The following WDFY1 variants were observed in gnomAD, a reference collection of about 807,000 sequenced individuals.
The protein encoded by WDFY1 is WD repeat and FYVE domain-containing protein 1.
WDFY1 carries 32 observed loss-of-function variants against 56.4 expected under a neutral mutation model. The ratio of observed to expected loss-of-function variants is 0.57; its 90% confidence interval spans 0.43 to 0.76. WDFY1 has a LOEUF of 0.76. WDFY1 is among the 30% of genes least tolerant of loss of function. WDFY1 has a pLI of 0.00. For synonymous variants in WDFY1, 192 were observed against 197.3 expected (o/e 0.97, Z 0.23); for missense variants, 480 against 545.7 (o/e 0.88, Z 1.20).
chr2:223,940,073 T>C (rs1412227840), intron 1 of WDFY1, among the ~76,000 whole-genome samples: 3 of 152,156 alleles, frequency 2.0e-5, no homozygotes, highest in African/African-American at 7.2e-5. Flanking sequence ...GTAATCCCAG[T>C]ACTTTGGGAG....
intron 1 of WDFY1, among the ~76,000 whole-genome samples, chr2:223,933,138 T>C (rs942880477): frequency 1.6e-4 from 7 of 44,884 alleles, no homozygotes; most frequent in South Asian, 8.6e-4. Context: ...CCTCATTTTG[T>C]AGAGGAGAAT....
chr2:223,919,999 T>C (rs765704213), intron 1 of WDFY1, among the ~76,000 whole-genome samples: 2 of 152,176 alleles, frequency 1.3e-5, no homozygotes, highest in Non-Finnish European at 2.9e-5. Context: ...CAGAAACCAT[T>C]TGTTTGTGGC....
At chr2:223,907,188 C>T (rs1037146822) in intron 3 of WDFY1, among the ~76,000 whole-genome samples, 3 of 151,322 alleles carry the variant, frequency 2.0e-5, no homozygotes, top group African/African-American at 7.3e-5. Flanking sequence ...TGTTGGCCAG[C>T]CTGGTCTTGA....
intron 3 of WDFY1, among the ~76,000 whole-genome samples, chr2:223,909,805 G>C (rs2106087464): frequency 6.6e-6 from 1 of 152,172 alleles, no homozygotes; most frequent in East Asian, 1.9e-4. Context: ...CCTTCACCCA[G>C]GCCGCTAAAA....
intron 1 of WDFY1, among the ~76,000 whole-genome samples, chr2:223,926,484 A>G (rs955550184): frequency 6.6e-6 from 1 of 152,172 alleles, no homozygotes; most frequent in Admixed American, 6.5e-5. Flanking sequence ...TCCTTGATCC[A>G]TGAGCTACAG....
intron 1 of WDFY1, among the ~76,000 whole-genome samples, chr2:223,927,097 G>C (rs1236607963): frequency 6.6e-6 from 1 of 152,164 alleles, no homozygotes; most frequent in Non-Finnish European, 1.5e-5. Flanking sequence ...TCCATTTATA[G>C]AGCACATGGC....
Position 223,890,836 on chromosome 2 carries a change from C to A in WDFY1, c.831+3398G>T, listed in dbSNP as rs560619617. On this transcript the variant is annotated intron_variant, in intron 8 of 11. Coordinates refer to ENST00000233055, the MANE Select transcript of WDFY1 (RefSeq NM_020830.5). ...ATAAAGTTCTCTTTTCAAGAAGATTCATTCTAATTATTGTTACTTCCTCAT... is the reference window on the plus strand; with the variant it reads ...ATAAAGTTCTCTTTTCAAGAAGATTAATTCTAATTATTGTTACTTCCTCAT... Among the ~76,000 whole-genome samples the A allele has an allele frequency of 5.3e-5, 8 of 152,300 alleles. No individual in the cohort carries two copies. In the South Asian group the frequency reaches 1.7e-3, roughly 32 times the overall value.
intron 8 of WDFY1, among the ~76,000 whole-genome samples, chr2:223,886,683 T>C (rs2106072918): frequency 7.8e-6 from 1 of 128,464 alleles, no homozygotes; most frequent in South Asian, 2.6e-4. Context: ...TGAGCAGAGA[T>C]TGCACCACGG....
At chr2:223,880,633 T>C (rs1237833856) in intron 10 of WDFY1, among the ~76,000 whole-genome samples, 1 of 148,166 alleles carries the variant, frequency 6.7e-6, no homozygotes, top group Non-Finnish European at 1.5e-5. Context: ...AAAAAGTAAA[T>C]GCTTATGATA....
Position 223,882,002 on chromosome 2 carries a change from A to G in WDFY1, c.1004T>C (p.Met335Thr), listed in dbSNP as rs1574756142. 1 of 1,614,140 alleles carries G rather than the reference A, an allele frequency of 6.2e-7. No individual in the cohort carries two copies. Among genetic ancestry groups the G allele is most frequent in the Non-Finnish European group, 8.5e-7 (1 of 1,179,966 alleles). ...CSSKRSSYPV[M>T]GFEFQVRVCD... ...AACCCGGACTTGGAACTCGAAGCCCATGACTGGGTAACTTGAGCGCTTGCT... is the reference window on the plus strand; with the variant it reads ...AACCCGGACTTGGAACTCGAAGCCCGTGACTGGGTAACTTGAGCGCTTGCT... The change falls in exon 10 of 12, where the codon ATG becomes ACG. Residue 335 changes from methionine (M) to threonine (T), a missense_variant. By Grantham distance (81) the Met-to-Thr change is moderately conservative (BLOSUM62 -1). Coordinates refer to ENST00000233055, the MANE Select transcript of WDFY1 (RefSeq NM_020830.5).
intron 1 of WDFY1, among the ~76,000 whole-genome samples, chr2:223,930,424 G>T (rs1431604561): frequency 1.3e-5 from 2 of 152,170 alleles, no homozygotes; most frequent in African/African-American, 4.8e-5. Context: ...CCGCCTACCG[G>T]GTTCAGGCGA....
At chr2:223,912,455 T>G (rs747898337) in intron 2 of WDFY1, 129 bp from the exon 3 acceptor site, 41 of 594,342 alleles carry the variant, frequency 6.9e-5, no homozygotes, top group Non-Finnish European at 9.2e-5. Flanking sequence ...AAACGTTTTA[T>G]ACAAATTACG....
chr2:223,888,235 C>T (rs565839292), intron 8 of WDFY1, among the ~76,000 whole-genome samples: 50 of 152,208 alleles, frequency 3.3e-4, no homozygotes, highest in African/African-American at 1.0e-3. Context: ...ATATGTACCA[C>T]CACACCCAGC....
intron 2 of WDFY1, 76 bp from the exon 3 acceptor site, chr2:223,912,402 TATG>T (rs2106089183): frequency 6.5e-6 from 7 of 1,073,470 alleles, no homozygotes; most frequent in East Asian, 2.6e-5. Flanking sequence ...TTAAGAACTA[TATG>T]ATAAGAACTA....
chr2:223,912,223 T>C lies in WDFY1; in HGVS notation c.279+30A>G, dbSNP rs745447599. 4 of 1,585,154 alleles carry C rather than the reference T, an allele frequency of 2.5e-6. No individual in the cohort carries two copies. In the South Asian group the frequency reaches 4.7e-5, roughly 19 times the overall value. The stretch of plus-strand genomic sequence containing the variant: ...AATATAAAGAATATAATATAAAGAA[T>C]ACAATAAATACATTCTAAAAGCTAC... On this transcript the variant is annotated intron_variant, in intron 3 of 11. Coordinates refer to ENST00000233055, the MANE Select transcript of WDFY1 (RefSeq NM_020830.5).
At chr2:223,929,599 CCACCTCCCTG>C (rs1694042143) in intron 1 of WDFY1, among the ~76,000 whole-genome samples, 2 of 152,228 alleles carry the variant, frequency 1.3e-5, no homozygotes, top group African/African-American at 4.8e-5. Context: ...CTGTGATTTC[CCACCTCCCTG>C]CACCTCCCTG....
chr2:223,924,066 C>A (rs1453006319), intron 1 of WDFY1, among the ~76,000 whole-genome samples: 1 of 152,162 alleles, frequency 6.6e-6, no homozygotes, highest in Non-Finnish European at 1.5e-5. Flanking sequence ...ACCTTAGAAA[C>A]GTGTTCATTC....
At position 223,910,077 on chromosome 2, in the gene WDFY1, T is replaced by C. The variant is rs1295405072; in HGVS notation, c.279+2176A>G. Reference sequence around the variant, plus strand: ...CCTGCACCATCAAGCCACTATAACATTGACTTCTGGAAACTCTTCCCTGGC... The same window carrying C: ...CCTGCACCATCAAGCCACTATAACACTGACTTCTGGAAACTCTTCCCTGGC... On this transcript the variant is annotated intron_variant, in intron 3 of 11. Transcript: ENST00000233055. Among the ~76,000 whole-genome samples, 6 of 152,220 alleles carry C rather than the reference T, an allele frequency of 3.9e-5. No homozygotes were observed. The South Asian group carries it at 6.2e-4, about 16-fold the overall frequency.
chr2:223,945,216 G>A lies in WDFY1; in HGVS notation c.69C>T (p.His23=), dbSNP rs1261737878. The A allele has an allele frequency of 8.8e-6, 14 of 1,598,852 alleles. No homozygotes were observed. The highest frequency in any genetic ancestry group is 1.4e-5 in the African/African-American group (1 of 72,532). ...GCAGCGCGGCCGTGACGGCGTCCTG[G>A]TGCCCCTCGATCTTGCTCAGCAGCA... ...RPVLLSKIEG[H]QDAVTAALLI... is the part of the protein sequence containing the mutation. The change falls in exon 1 of 12, where the codon CAC becomes CAT. Residue 23 remains histidine, a synonymous_variant. Coordinates refer to ENST00000233055, the MANE Select transcript of WDFY1 (RefSeq NM_020830.5).
Sources: allele counts gnomAD v4.1 joint callset (sites outside exome capture counted in the v4.1 genomes callset), GRCh38; gene constraint gnomAD v4.1.1; transcripts MANE v1.5; gene names NCBI Gene and HGNC (gene_info 2026-07-23, HGNC 2026-07-21).